Variants in LRRC43 observed in about 807,000 individuals in gnomAD.
LRRC43 encodes leucine rich repeat containing 43, also known as leucine-rich repeat-containing protein 43.
A neutral mutation model predicts 64.3 loss-of-function variants in LRRC43; 62 were observed. That is an observed-to-expected ratio of 0.96 (90% confidence interval 0.79 to 1.19). The LOEUF is 1.19. Ranked by LOEUF, LRRC43 falls within the 50% of genes most tolerant of loss-of-function variation. The pLI is 0.00. For missense variants in LRRC43, 868 were observed against 845.0 expected (o/e 1.03, Z -0.34); for synonymous variants, 422 against 382.3 (o/e 1.10, Z -1.21).
At chr12:122,187,634 G>A in intron 3 of LRRC43, 67 bp from the exon 4 acceptor site, 2 of 1,496,526 alleles carry the variant, frequency 1.3e-6, no homozygotes, top group South Asian at 1.2e-5. Flanking sequence ...GGGACAGAGG[G>A]GAGGGGCCTG....
chr12:122,200,695 C>T lies in LRRC43; in HGVS notation c.1620+35C>T. The stretch of plus-strand genomic sequence containing the variant: ...CTTGGTGCTGGGGAGGGCAGCCTGG[C>T]CACACCCTTGCTTCAACTTGTCCCA... On this transcript the variant is annotated intron_variant, in intron 9 of 11. Transcript: ENST00000339777. This position sits in a 1 kb window ranked among gnomAD's most constrained non-coding sequence, Gnocchi z 4.6. 1 of 1,613,086 alleles carries T rather than the reference C, an allele frequency of 6.2e-7. No homozygotes were observed. The highest frequency in any genetic ancestry group is 8.5e-7 in the Non-Finnish European group (1 of 1,179,754).
At chr12:122,199,236 C>A (rs4758676) in intron 7 of LRRC43, among the ~76,000 whole-genome samples, 4 of 149,990 alleles carry the variant, frequency 2.7e-5, no homozygotes. Flanking sequence ...AACTCCAGTC[C>A]CCTCTGTGTT....
In LRRC43 at chr12:122,184,698, A is replaced by T; in HGVS notation, c.330A>T (p.Glu110Asp). Residue 110 changes from glutamate to aspartate, a missense_variant, in exon 2 of 12, where the codon GAA becomes GAT. Physicochemically the swap from Glu to Asp is conservative, Grantham distance 45. Coordinates refer to ENST00000339777, the MANE Select transcript of LRRC43 (RefSeq NM_001098519.2). This position sits in a 1 kb window ranked among gnomAD's most constrained non-coding sequence, Gnocchi z 4.0. Reference sequence around the variant, plus strand: ...ATGCAGAAGACAGTTTCCTGAGAGAATTGGCCATCCGGAACCCGCTGACGA... The same window carrying T: ...ATGCAGAAGACAGTTTCCTGAGAGATTTGGCCATCCGGAACCCGCTGACGA... ...NSNAEDSFLR[E>D]LAIRNPLTIT... 1 of 1,613,960 alleles carries T rather than the reference A, an allele frequency of 6.2e-7. No individual in the cohort carries two copies. The highest frequency in any genetic ancestry group is 8.5e-7 in the Non-Finnish European group (1 of 1,179,878).
At chr12:122,186,923 G>C (rs1245377790) in intron 3 of LRRC43, among the ~76,000 whole-genome samples, 1 of 147,538 alleles carries the variant, frequency 6.8e-6, no homozygotes, top group Non-Finnish European at 1.5e-5. Flanking sequence ...TCTCAAAGTG[G>C]TCTATCCATT....
chr12:122,187,596 A>G, intron 3 of LRRC43, 105 bp from the exon 4 acceptor site: 1 of 960,420 alleles, frequency 1.0e-6, no homozygotes, highest in Non-Finnish European at 1.5e-6. Flanking sequence ...AGGTGTGAGT[A>G]GTTTGTGATT....
Position 122,200,937 on chromosome 12 carries a change from A to G in LRRC43, c.1809+3A>G, listed in dbSNP as rs990030135. ...CTGACAGGCTGACGTTGGCCAGGGT[A>G]CAGCCGGGCCCTAGCCACATCCTCC... On this transcript the variant is annotated splice_donor_region_variant and intron_variant, in intron 10 of 11. Coordinates refer to ENST00000339777, the MANE Select transcript of LRRC43 (RefSeq NM_001098519.2). The surrounding 1 kb of genome is among the most constrained non-coding windows in gnomAD (Gnocchi z 4.6). The G allele has an allele frequency of 1.3e-6, 2 of 1,590,886 alleles. No individual in the cohort carries two copies. Among genetic ancestry groups the G allele is most frequent in the Non-Finnish European group, 1.7e-6 (2 of 1,168,888 alleles).
In LRRC43 at chr12:122,183,140, G is replaced by C. The variant is rs769817334; in HGVS notation, c.-5G>C. 3.3e-6 allele frequency: 5 copies of C among 1,538,386 alleles called. No individual in the cohort carries two copies. Among genetic ancestry groups the C allele is most frequent in the South Asian group, 2.4e-5 (2 of 84,532 alleles). On this transcript the variant is annotated 5_prime_UTR_variant, in exon 1 of 12. Coordinates refer to ENST00000339777, the MANE Select transcript of LRRC43 (RefSeq NM_001098519.2). ...TAGCGGTTGCCGGGCAACGCGGCCC[G>C]GGCCATGGAGGCGTCGTACGAGTCC...
At chr12:122,196,955 C>T (rs1953778584) in intron 7 of LRRC43, among the ~76,000 whole-genome samples, 1 of 152,086 alleles carries the variant, frequency 6.6e-6, no homozygotes, top group Non-Finnish European at 1.5e-5. Flanking sequence ...AGAACAGACT[C>T]AGAGACACGA....
intron 3 of LRRC43, 137 bp downstream of exon 3, chr12:122,186,437 T>C: frequency 1.6e-6 from 1 of 616,858 alleles, no homozygotes; most frequent in South Asian, 2.0e-5. Context: ...TAGGTCACTT[T>C]CCTAGAAAAG....
intron 1 of LRRC43, chr12:122,174,234 C>G: frequency 6.2e-7 from 1 of 1,605,406 alleles, no homozygotes; most frequent in Non-Finnish European, 8.5e-7. Flanking sequence ...TTCGCCATGG[C>G]TGCCTGGAGG....
At position 122,192,986 on chromosome 12, in the gene LRRC43, G is replaced by T. The variant is rs774965122; in HGVS notation, c.1331G>T (p.Arg444Leu). The change falls in exon 7 of 12, where the codon CGG (arginine) becomes CTG (leucine). Residue 444 changes from arginine (R) to leucine (L), a missense_variant. Coordinates refer to ENST00000339777, the MANE Select transcript of LRRC43 (RefSeq NM_001098519.2). ...LAKLRLRIDPRLCPSPGTVLF... is the reference protein window; with the variant it reads ...LAKLRLRIDPLLCPSPGTVLF... ...AAGTTGAGGCTGCGTATAGATCCCC[G>T]GCTCTGCCCGTCCCCAGGGTAAGGA... 6.2e-7 allele frequency: 1 copy of T among 1,613,672 alleles called. No individual in the cohort carries two copies. The highest frequency in any genetic ancestry group is 8.5e-7 in the Non-Finnish European group (1 of 1,179,826).
rs116650890 is a variant in LRRC43 at position 122,191,532 on chromosome 12, G to A, written c.1054G>A (p.Gly352Ser). The change falls in exon 6 of 12, where the codon GGC (glycine) becomes AGC (serine). Residue 352 changes from glycine (G) to serine (S), a missense_variant. Physicochemically the swap from Gly to Ser is moderately conservative, Grantham distance 56. Coordinates refer to ENST00000339777, the MANE Select transcript of LRRC43 (RefSeq NM_001098519.2). ...VTYDFVKDEE[G>S]EMNESAGVLA... ...CTATGATTTTGTGAAAGATGAAGAA[G>A]GCGAAATGAATGAGTCCGCGGGCGT... The A allele has an allele frequency of 2.1e-3, 3,412 of 1,614,150 alleles. 57 individuals are homozygous for A. In the African/African-American group the frequency reaches 0.039, roughly 18 times the overall value.
At position 122,186,316 on chromosome 12, in the gene LRRC43, T is replaced by C. The variant is rs1033631375; in HGVS notation, c.522+16T>C. ...CACACTCAAGGTGAAGGAGCCCCGG[T>C]CTGTGTTGAGTATTTGGGCCTCCGC... On this transcript the variant is annotated intron_variant, in intron 3 of 11. Transcript: ENST00000339777. 1.3e-6 allele frequency: 2 copies of C among 1,540,610 alleles called. No homozygotes were observed. Among genetic ancestry groups the C allele is most frequent in the African/African-American group, 2.7e-5 (2 of 72,940 alleles).
rs916464735 is a variant in LRRC43 at position 122,191,683 on chromosome 12, C to A, written c.1089+116C>A. Reference sequence around the variant, plus strand: ...ATTAATTTATTTATTGAGGAGGAGTCTCGCTCTGTCACCCAGGCTGGAGTG... The same window carrying A: ...ATTAATTTATTTATTGAGGAGGAGTATCGCTCTGTCACCCAGGCTGGAGTG... On this transcript the variant is annotated intron_variant, in intron 6 of 11. Coordinates refer to ENST00000339777, the MANE Select transcript of LRRC43 (RefSeq NM_001098519.2). 77 of 808,246 alleles carry A rather than the reference C, an allele frequency of 9.5e-5. 1 individual carries two copies. Among genetic ancestry groups the A allele is most frequent in the Admixed American group, 3.1e-5 (1 of 32,732 alleles). 50.1% of individuals were successfully genotyped at this position (808,246 alleles called of 1,614,324 possible). A position where few individuals can be genotyped will look rare whatever the true frequency, so the allele number is the denominator to read the frequency against.
chr12:122,169,097 G>A (rs921364810), intron 1 of LRRC43, among the ~76,000 whole-genome samples: 1 of 152,110 alleles, frequency 6.6e-6, no homozygotes, highest in African/African-American at 2.4e-5. Context: ...TGTCTGAGAT[G>A]CATCTCCCCT....
chr12:122,179,240 A>C (rs760883816), upstream of LRRC43, among the ~76,000 whole-genome samples: 4 of 152,154 alleles, frequency 2.6e-5, no homozygotes, highest in South Asian at 2.1e-4. Flanking sequence ...GGTTATAGGC[A>C]CACGGCATAC....
chr12:122,176,902 C>T (rs1030107329), intron 1 of LRRC43, among the ~76,000 whole-genome samples: 6 of 152,004 alleles, frequency 3.9e-5, no homozygotes, highest in Admixed American at 2.6e-4. Context: ...TCAAGGTGCA[C>T]AGAGGGGACA....
Position 122,192,799 on chromosome 12 carries a change from G to A in LRRC43, c.1144G>A (p.Val382Ile), listed in dbSNP as rs1953732877. The change falls in exon 7 of 12, where the codon GTC becomes ATC. Residue 382 changes from valine (V) to isoleucine (I), a missense_variant. Physicochemically the swap from Val to Ile is conservative, Grantham distance 29. Coordinates refer to ENST00000339777, the MANE Select transcript of LRRC43 (RefSeq NM_001098519.2). ...ELLVEESPEEVVEDVIEDIVE... is the reference protein window; with the variant it reads ...ELLVEESPEEIVEDVIEDIVE... ...ATTAGTTGAGGAATCTCCTGAAGAG[G>A]TCGTGGAAGACGTCATCGAAGACAT... The A allele has an allele frequency of 6.2e-7, 1 of 1,614,074 alleles. No homozygotes were observed. The highest frequency in any genetic ancestry group is 8.5e-7 in the Non-Finnish European group (1 of 1,180,036).
intron 6 of LRRC43, among the ~76,000 whole-genome samples, chr12:122,192,147 T>C (rs1953725483): frequency 6.6e-6 from 1 of 151,492 alleles, no homozygotes; most frequent in African/African-American, 2.4e-5. Flanking sequence ...TTCTTTTTTG[T>C]GTGTGTGTGT....
Sources: gnomAD v4.1 joint callset for allele counts (sites outside exome capture counted in the v4.1 genomes callset) on GRCh38, gnomAD v4.1.1 for gene constraint, Gnocchi (gnomAD v3.1) non-coding constraint, MANE v1.5 for transcripts, NCBI Gene and HGNC (gene_info 2026-07-23, HGNC 2026-07-21) for gene names.